MMS22L: variants seen among roughly 807,000 people sequenced by gnomAD.
MMS22L encodes the protein MMS22 like, DNA repair protein.
Under a neutral mutation model 159.1 loss-of-function variants are expected in MMS22L, and 74 were observed. The observed-to-expected ratio is 0.47, with a 90% CI of 0.39 to 0.56. The LOEUF (loss-of-function observed/expected upper bound fraction) is 0.56. MMS22L is among the 20% of genes least tolerant of loss of function. The pLI, the probability that MMS22L is intolerant of heterozygous loss-of-function variation, is 0.00. For synonymous variants in MMS22L, 517 were observed against 506.9 expected, an observed-to-expected ratio of 1.02 and a Z score of -0.27; for missense variants, 1,351 against 1,422.1, an observed-to-expected ratio of 0.95 and a Z score of 0.80.
chr6:97,195,847 G>C (rs1311717671), intron 14 of MMS22L, among the ~76,000 whole-genome samples: 1 of 152,152 alleles, frequency 6.6e-6, no homozygotes, highest in Non-Finnish European at 1.5e-5. Context: ...CCAGGTAAGA[G>C]CTAATGTGCA....
At chr6:97,271,089 A>C (rs1815688052) in intron 6 of MMS22L, 2 of 152,118 alleles carry the variant, frequency 1.3e-5, no homozygotes, top group South Asian at 4.1e-4. Flanking sequence ...AAAATAAAAG[A>C]AGCTCAACTG....
intron 11 of MMS22L, among the ~76,000 whole-genome samples, chr6:97,238,582 TG>T (rs1811689523): frequency 1.2e-5 from 1 of 83,194 alleles, no homozygotes; most frequent in Non-Finnish European, 3.2e-5. Flanking sequence ...CGTGTGTGTG[TG>T]TGTGTGTGTG....
At chr6:97,204,685 C>T (rs1807561543) in intron 14 of MMS22L, among the ~76,000 whole-genome samples, 1 of 150,618 alleles carries the variant, frequency 6.6e-6, no homozygotes, top group Non-Finnish European at 1.5e-5. Flanking sequence ...GTCCCAGCTA[C>T]TCGGGAGCCT....
At chr6:97,211,272 C>A (rs1465556017) in intron 14 of MMS22L, among the ~76,000 whole-genome samples, 1 of 151,768 alleles carries the variant, frequency 6.6e-6, no homozygotes, top group East Asian at 1.9e-4. Context: ...ACATAAAATG[C>A]AAATTTCAAG....
At chr6:97,232,527 C>T (rs1356512362) in intron 12 of MMS22L, among the ~76,000 whole-genome samples, 2 of 152,002 alleles carry the variant, frequency 1.3e-5, no homozygotes, top group Non-Finnish European at 2.9e-5. Context: ...TAATCTATTG[C>T]AGTCATTATT....
intron 20 of MMS22L, 110 bp downstream of exon 20, chr6:97,167,961 A>G: frequency 1.1e-6 from 1 of 926,816 alleles, no homozygotes; most frequent in Admixed American, 2.6e-5. Context: ...CCACACAAGC[A>G]TTTGAGATTA....
chr6:97,206,382 TACAC>T (rs58135635), intron 14 of MMS22L, among the ~76,000 whole-genome samples: 51 of 146,796 alleles, frequency 3.5e-4, no homozygotes, highest in African/African-American at 1.1e-3. Flanking sequence ...ACCTCGCATG[TACAC>T]ACACACACAC....
chr6:97,278,737 T>G (rs1379564624), intron 4 of MMS22L, 112 bp downstream of exon 4: 2 of 786,804 alleles, frequency 2.5e-6, no homozygotes, highest in East Asian at 5.6e-5. Flanking sequence ...ACTTCTGGCC[T>G]AATGCTTCCT....
intron 14 of MMS22L, among the ~76,000 whole-genome samples, chr6:97,194,794 C>T (rs969027533): frequency 6.6e-6 from 1 of 152,112 alleles, no homozygotes; most frequent in Non-Finnish European, 1.5e-5. Flanking sequence ...GGAAGAGATT[C>T]TCAAAGGATA....
intron 11 of MMS22L, among the ~76,000 whole-genome samples, chr6:97,242,465 T>A (rs1375796195): frequency 6.6e-6 from 1 of 152,212 alleles, no homozygotes; most frequent in Non-Finnish European, 1.5e-5. Flanking sequence ...TTCCACCCCA[T>A]TACCTTAAGT....
In MMS22L at chr6:97,186,632, G is replaced by C. The variant is rs146241025; in HGVS notation, c.2098C>G (p.Gln700Glu). 8.1e-6 allele frequency: 13 copies of C among 1,606,502 alleles called. No individual in the cohort carries two copies. Among genetic ancestry groups the C allele is most frequent in the African/African-American group, 1.3e-5 (1 of 74,474 alleles). The change falls in exon 15 of 25, where the codon CAG becomes GAG. Residue 700 changes from glutamine (Q) to glutamate (E), a missense_variant. Coordinates refer to ENST00000683635, the MANE Select transcript of MMS22L (RefSeq NM_001350599.2). Reference protein sequence around the residue: ...LQRDNVDLFVQSSLSAKERHL... With the variant: ...LQRDNVDLFVESSLSAKERHL... ...CGCTCTTTAGCCGATAATGAAGACTGTACAAATAGGTCCACATTGTCCCTT... is the reference window on the plus strand; with the variant it reads ...CGCTCTTTAGCCGATAATGAAGACTCTACAAATAGGTCCACATTGTCCCTT...
chr6:97,228,845 G>A (rs773446783), intron 14 of MMS22L, 49 bp downstream of exon 14: 67 of 1,494,282 alleles, frequency 4.5e-5, no homozygotes, highest in Non-Finnish European at 5.6e-5. Flanking sequence ...ATCCACATAA[G>A]TAATTATATA....
chr6:97,244,275 G>A (rs1483204919), intron 11 of MMS22L, among the ~76,000 whole-genome samples: 1 of 152,188 alleles, frequency 6.6e-6, no homozygotes, highest in Non-Finnish European at 1.5e-5. Flanking sequence ...GAAATCACCT[G>A]CATAAGTATT....
chr6:97,214,704 A>G (rs1379763875), intron 14 of MMS22L, among the ~76,000 whole-genome samples: 1 of 148,012 alleles, frequency 6.8e-6, no homozygotes, highest in Non-Finnish European at 1.5e-5. Context: ...TTTTTTTCAA[A>G]TCATTTGACT....
chr6:97,231,648 C>G lies in MMS22L; in HGVS notation c.1307G>C (p.Ser436Thr). The G allele has an allele frequency of 6.3e-7, 1 of 1,576,064 alleles. No homozygotes were observed. The highest frequency in any genetic ancestry group is 1.1e-5 in the South Asian group (1 of 89,338). Reference sequence around the variant, plus strand: ...AGGAAGCCAAGAAATACTGAAGGAACTATTCTAAAAGGGGGGAAAAAAAAG... The same window carrying G: ...AGGAAGCCAAGAAATACTGAAGGAAGTATTCTAAAAGGGGGGAAAAAAAAG... The part of the protein sequence containing the change: ...LWEYYSKNLN[S>T]SFSISWLPFK... The change falls in exon 13 of 25, where the codon AGT becomes ACT. Residue 436 changes from serine (S) to threonine (T), a missense_variant. Ser to Thr is a moderately conservative substitution (Grantham distance 58). Transcript: ENST00000683635.
chr6:97,199,861 T>C (rs893537908), intron 14 of MMS22L, among the ~76,000 whole-genome samples: 4 of 152,132 alleles, frequency 2.6e-5, no homozygotes, highest in Admixed American at 6.6e-5. Flanking sequence ...GCAGTACATA[T>C]ATAATCTTTA....
chr6:97,182,163 A>C, intron 15 of MMS22L, 109 bp from the exon 16 acceptor site: 1 of 859,532 alleles, frequency 1.2e-6, no homozygotes, highest in Non-Finnish European at 1.8e-6. Context: ...TTAAGTAACA[A>C]ATAATAAAAT....
chr6:97,161,710 A>C (rs1439528815), intron 22 of MMS22L, among the ~76,000 whole-genome samples: 5 of 152,108 alleles, frequency 3.3e-5, no homozygotes, highest in Admixed American at 3.3e-4. Flanking sequence ...TTGAACAAAT[A>C]TTCTTTGAGA....
At chr6:97,227,038 CTT>C (rs963635946) in intron 14 of MMS22L, among the ~76,000 whole-genome samples, 2 of 152,104 alleles carry the variant, frequency 1.3e-5, no homozygotes, top group African/African-American at 4.8e-5. Flanking sequence ...CTTTATATCT[CTT>C]TTGTCCCCCA....
Sources: allele counts gnomAD v4.1 joint callset (sites outside exome capture counted in the v4.1 genomes callset), GRCh38; gene constraint gnomAD v4.1.1; transcripts MANE v1.5; gene names NCBI Gene and HGNC (gene_info 2026-07-23, HGNC 2026-07-21).